FOXP1: variants seen among roughly 807,000 people sequenced by gnomAD.
FOXP1 encodes the protein forkhead box P1.
In FOXP1, 15 loss-of-function variants were observed where a neutral mutation model predicts 98.2. The observed-to-expected ratio is 0.15, with a 90% CI of 0.10 to 0.24. FOXP1 has a LOEUF of 0.24. Among genes scored for constraint, FOXP1 ranks in the 10% least tolerant of loss-of-function variants. The pLI, the probability that FOXP1 is intolerant of heterozygous loss-of-function variation, is 1.00. For synonymous variants in FOXP1, 371 were observed against 314.5 expected (o/e 1.18, Z -1.90); for missense variants, 633 against 848.5 (o/e 0.75, Z 3.15).
At chr3:71,405,953 C>T (rs1344472356) in intron 3 of FOXP1, among the ~76,000 whole-genome samples, 3 of 152,052 alleles carry the variant, frequency 2.0e-5, no homozygotes, top group African/African-American at 7.2e-5. Context: ...TGGTCTCGAA[C>T]TCCTGACCTC....
At chr3:71,539,115 A>T (rs28668739) in intron 2 of FOXP1, among the ~76,000 whole-genome samples, 83 of 129,810 alleles carry the variant, frequency 6.4e-4, no homozygotes, top group Non-Finnish European at 1.1e-3. Flanking sequence ...TTTTGTTTTT[A>T]TTTTTTTTTT....
At chr3:71,023,292 C>A (rs1351569344) in intron 11 of FOXP1, among the ~76,000 whole-genome samples, 3 of 152,220 alleles carry the variant, frequency 2.0e-5, no homozygotes, top group Non-Finnish European at 4.4e-5. Flanking sequence ...GTCAACCTAA[C>A]AACACTGTAA....
intron 5 of FOXP1, among the ~76,000 whole-genome samples, chr3:71,199,675 GGTTGCAGTGA>G (rs1239189861): frequency 6.6e-6 from 1 of 152,108 alleles, no homozygotes; most frequent in African/African-American, 2.4e-5. Flanking sequence ...AGGGGGTGGA[GGTTGCAGTGA>G]GCCAAGATCA....
intron 2 of FOXP1, among the ~76,000 whole-genome samples, chr3:71,546,352 A>G (rs1410358107): frequency 2.0e-5 from 3 of 152,218 alleles, no homozygotes; most frequent in Non-Finnish European, 2.9e-5. Flanking sequence ...TTTGCTCATT[A>G]ACTGAGCTTA....
At chr3:71,443,364 T>C (rs1187166490) in intron 3 of FOXP1, among the ~76,000 whole-genome samples, 1 of 152,236 alleles carries the variant, frequency 6.6e-6, no homozygotes, top group Non-Finnish European at 1.5e-5. Context: ...TACTTTCTTC[T>C]AGCTCTTTTG....
chr3:71,008,076 T>C (rs1205539925), intron 12 of FOXP1, among the ~76,000 whole-genome samples: 1 of 152,196 alleles, frequency 6.6e-6, no homozygotes, highest in Non-Finnish European at 1.5e-5. Context: ...AATGATACTT[T>C]TAGTAGACGT....
intron 2 of FOXP1, among the ~76,000 whole-genome samples, chr3:71,553,253 T>A (rs1157625709): frequency 6.6e-6 from 1 of 152,166 alleles, no homozygotes; most frequent in Non-Finnish European, 1.5e-5. Flanking sequence ...TTAAACTCTA[T>A]TCTGAATATC....
At chr3:71,061,108 G>C (rs534932091) in intron 7 of FOXP1, among the ~76,000 whole-genome samples, 3 of 151,576 alleles carry the variant, frequency 2.0e-5, no homozygotes, top group Non-Finnish European at 4.4e-5. Context: ...TTTTTTAAAC[G>C]AAAGAAAATA....
At chr3:71,339,430 C>T (rs1199289889) in intron 4 of FOXP1, among the ~76,000 whole-genome samples, 1 of 152,218 alleles carries the variant, frequency 6.6e-6, no homozygotes, top group Non-Finnish European at 1.5e-5. Flanking sequence ...TTGGTGGCAA[C>T]GAAGGAAGAC....
intron 4 of FOXP1, among the ~76,000 whole-genome samples, chr3:71,353,330 C>T (rs1292576056): frequency 6.6e-6 from 1 of 152,196 alleles, no homozygotes; most frequent in Non-Finnish European, 1.5e-5. Context: ...GATCAAGTCT[C>T]ATATTACACG....
intron 6 of FOXP1, among the ~76,000 whole-genome samples, chr3:71,196,554 A>G (rs2063314557): frequency 6.6e-6 from 1 of 152,234 alleles, no homozygotes; most frequent in Non-Finnish European, 1.5e-5. Context: ...TAGTAGCCCC[A>G]TATCAAGTGC....
chr3:71,027,068 C>T (rs540462405), intron 11 of FOXP1, among the ~76,000 whole-genome samples: 1 of 152,152 alleles, frequency 6.6e-6, no homozygotes, highest in Non-Finnish European at 1.5e-5. Flanking sequence ...AAACAGAATG[C>T]TTTCCAAAAA....
chr3:71,180,345 G>C (rs137906561), intron 6 of FOXP1, among the ~76,000 whole-genome samples: 234 of 152,162 alleles, frequency 1.5e-3, no homozygotes, highest in Non-Finnish European at 2.7e-3. Flanking sequence ...ATTATTTGCT[G>C]TCTTGGTTCT....
At chr3:71,384,033 G>A (rs1388699529) in intron 3 of FOXP1, among the ~76,000 whole-genome samples, 6 of 152,038 alleles carry the variant, frequency 3.9e-5, no homozygotes, top group Admixed American at 6.6e-5. Flanking sequence ...CCTGGCCAAC[G>A]TGGTGTAACC....
At chr3:71,492,979 G>A (rs1037408708) in intron 3 of FOXP1, among the ~76,000 whole-genome samples, 1 of 152,068 alleles carries the variant, frequency 6.6e-6, no homozygotes, top group Non-Finnish European at 1.5e-5. Context: ...CCAATCCTTT[G>A]GCTTTCTCAT....
intron 7 of FOXP1, 65 bp downstream of exon 7, chr3:71,112,471 C>T (rs2058022686): frequency 3.9e-6 from 5 of 1,272,044 alleles, no homozygotes; most frequent in Non-Finnish European, 5.7e-6. Flanking sequence ...ACAATCCACT[C>T]CTGAACTGCT....
intron 6 of FOXP1, among the ~76,000 whole-genome samples, chr3:71,188,284 G>A (rs1282984745): frequency 6.6e-6 from 1 of 152,200 alleles, no homozygotes; most frequent in Non-Finnish European, 1.5e-5. Flanking sequence ...GGATTTGAAT[G>A]ACTAAGAAGA....
intron 6 of FOXP1, among the ~76,000 whole-genome samples, chr3:71,179,694 T>C (rs906227130): frequency 7.2e-5 from 11 of 152,152 alleles, no homozygotes; most frequent in Non-Finnish European, 1.0e-4. Context: ...GCAATGAGAA[T>C]ACAAATACAT....
intron 16 of FOXP1, 36 bp from the exon 17 acceptor site, chr3:70,977,078 C>A (rs1402621126): frequency 4.4e-6 from 6 of 1,368,152 alleles, no homozygotes; most frequent in African/African-American, 1.4e-5. Context: ...TAATTTATGA[C>A]CAAATCAGCA....
Sources: allele counts gnomAD v4.1 joint callset (sites outside exome capture counted in the v4.1 genomes callset), GRCh38; gene constraint gnomAD v4.1.1; transcripts MANE v1.5; gene names NCBI Gene and HGNC (gene_info 2026-07-23, HGNC 2026-07-21).